Variants in COL4A3 observed in about 807,000 individuals in gnomAD.
The protein encoded by COL4A3 is collagen type IV alpha 3 chain.
A neutral mutation model predicts 217.4 loss-of-function variants in COL4A3; 135 were observed. That is an observed-to-expected ratio of 0.62 (90% CI 0.54 to 0.72). The LOEUF (loss-of-function observed/expected upper bound fraction) is 0.72, where lower values mean the gene tolerates loss of function less well. Ranked by LOEUF, COL4A3 falls within the 30% of genes least tolerant of loss-of-function variation. The pLI, the probability that COL4A3 is intolerant of heterozygous loss-of-function variation, is 0.00. For missense variants in COL4A3, 1,868 were observed against 2,119.9 expected (o/e 0.88, Z 2.33); for synonymous variants, 690 against 736.3 (o/e 0.94, Z 1.02).
intron 1 of COL4A3, among the ~76,000 whole-genome samples, chr2:227,206,713 T>C (rs2067114608): frequency 6.6e-6 from 1 of 152,208 alleles, no homozygotes. Context: ...ACAGGTGATT[T>C]GTATGCACGT....
chr2:227,308,255 C>G (rs1306879482), intron 48 of COL4A3, among the ~76,000 whole-genome samples: 2 of 152,264 alleles, frequency 1.3e-5, no homozygotes, highest in East Asian at 3.9e-4. Context: ...TTTCATCACC[C>G]AGGCTGGAGT....
chr2:227,283,400 G>C (rs1426023130), intron 32 of COL4A3, among the ~76,000 whole-genome samples: 1 of 152,146 alleles, frequency 6.6e-6, no homozygotes, highest in Non-Finnish European at 1.5e-5. Context: ...TCATAGTAGA[G>C]GATCAATAAT....
At chr2:227,235,646 CT>C (rs1195691286) in intron 1 of COL4A3, among the ~76,000 whole-genome samples, 1 of 151,982 alleles carries the variant, frequency 6.6e-6, no homozygotes, top group Non-Finnish European at 1.5e-5. Flanking sequence ...CCTTTGTGTA[CT>C]TATAGCTTAG....
intron 1 of COL4A3, among the ~76,000 whole-genome samples, chr2:227,215,741 G>A (rs555585718): frequency 5.9e-5 from 9 of 152,258 alleles, no homozygotes; most frequent in African/African-American, 2.2e-4. Flanking sequence ...TTACAGGGGT[G>A]AGCCACTGCA....
intron 1 of COL4A3, among the ~76,000 whole-genome samples, chr2:227,216,338 T>G (rs1339307806): frequency 6.6e-6 from 1 of 152,238 alleles, no homozygotes; most frequent in African/African-American, 2.4e-5. Context: ...CACCCTTTCC[T>G]GTCAATTTCA....
chr2:227,176,481 G>A (rs927831370), intron 1 of COL4A3, among the ~76,000 whole-genome samples: 3 of 152,138 alleles, frequency 2.0e-5, no homozygotes, highest in Non-Finnish European at 4.4e-5. Context: ...TTGAAACACA[G>A]CCATATAAAA....
intron 51 of COL4A3, among the ~76,000 whole-genome samples, chr2:227,311,530 C>T (rs2073741035): frequency 6.6e-6 from 1 of 152,056 alleles, no homozygotes; most frequent in Non-Finnish European, 1.5e-5. Flanking sequence ...CAGGCGTATG[C>T]CACGACACCC....
intron 1 of COL4A3, among the ~76,000 whole-genome samples, chr2:227,217,495 T>C (rs1323417864): frequency 6.6e-6 from 1 of 152,230 alleles, no homozygotes; most frequent in Admixed American, 6.5e-5. Context: ...AGTCCTGTTT[T>C]ATTTGACTGT....
In COL4A3 at chr2:227,307,719, G is replaced by A; in HGVS notation, c.4262G>A (p.Gly1421Glu). ...KGSKGEPGPA[G>E]SDGLPGLKGK... ...AATGTGTTTTTTGAAGGACCAGCTG[G>A]ATCAGATGGATTGCCAGGTTTGAAA... The change falls in exon 48 of 52, where the codon GGA becomes GAA. Residue 1421 changes from glycine to glutamate, a missense_variant. By Grantham distance (98) the Gly-to-Glu change is moderately conservative. Around this residue, in one of 2 missense-constraint regions of COL4A3, gnomAD observed 1,503 missense variants for 1,786.1 expected, o/e 0.84. Coordinates refer to ENST00000396578, the MANE Select transcript of COL4A3 (RefSeq NM_000091.5). The A allele has an allele frequency of 6.2e-7, 1 of 1,613,956 alleles. No homozygotes were observed. Among genetic ancestry groups the A allele is most frequent in the Non-Finnish European group, 8.5e-7 (1 of 1,179,920 alleles).
At chr2:227,252,984 A>C (rs1286128081) in intron 11 of COL4A3, among the ~76,000 whole-genome samples, 1 of 152,224 alleles carries the variant, frequency 6.6e-6, no homozygotes, top group Non-Finnish European at 1.5e-5. Context: ...GTAGCCGGCC[A>C]GTGGGATTAA....
At position 227,253,119 on chromosome 2, in the gene COL4A3, C is replaced by A. The variant is rs2069884676; in HGVS notation, c.646-177C>A. Among the ~76,000 whole-genome samples the A allele has an allele frequency of 6.6e-6, 1 of 152,066 alleles. No homozygotes were observed. Among genetic ancestry groups the A allele is most frequent in the South Asian group, 2.1e-4 (1 of 4,818 alleles). ...TTAAGCTTTCTGCACCTTAAGAGCTCCTCCTTTAAAAGAAACATATCAATG... is the reference window on the plus strand; with the variant it reads ...TTAAGCTTTCTGCACCTTAAGAGCTACTCCTTTAAAAGAAACATATCAATG... On this transcript the variant is annotated intron_variant, in intron 11 of 51. Coordinates refer to ENST00000396578, the MANE Select transcript of COL4A3 (RefSeq NM_000091.5). This position sits in a 1 kb window ranked among gnomAD's most constrained non-coding sequence, Gnocchi z 4.4.
chr2:227,192,493 G>T (rs2066282739), intron 1 of COL4A3, among the ~76,000 whole-genome samples: 1 of 151,936 alleles, frequency 6.6e-6, no homozygotes, highest in Non-Finnish European at 1.5e-5. Flanking sequence ...ATCAAATGAT[G>T]CTGTATACAT....
intron 1 of COL4A3, among the ~76,000 whole-genome samples, chr2:227,233,949 TCAAA>T (rs2068549076): frequency 6.6e-6 from 1 of 152,186 alleles, no homozygotes; most frequent in South Asian, 2.1e-4. Flanking sequence ...TTGCTAAAAA[TCAAA>T]CAGTTTTTCA....
chr2:227,294,413 CA>C (rs2072930248), intron 38 of COL4A3, 76 bp from the exon 39 acceptor site: 1 of 977,060 alleles, frequency 1.0e-6, no homozygotes, highest in Admixed American at 1.7e-5. Context: ...ACTATAAAAA[CA>C]GACCGTTTCA....
At chr2:227,286,836 T>G (rs1417269759) in intron 34 of COL4A3, among the ~76,000 whole-genome samples, 2 of 152,222 alleles carry the variant, frequency 1.3e-5, no homozygotes, top group Admixed American at 1.3e-4. Flanking sequence ...ACATACAAGT[T>G]TATTCACCAC....
At chr2:227,223,907 T>C (rs1304169057) in intron 1 of COL4A3, among the ~76,000 whole-genome samples, 2 of 152,216 alleles carry the variant, frequency 1.3e-5, no homozygotes, top group Non-Finnish European at 2.9e-5. Flanking sequence ...TGCATAGCAG[T>C]GAGCAACTAA....
Position 227,298,811 on chromosome 2 carries a change from T to C in COL4A3, c.3881T>C (p.Leu1294Pro). 1 of 1,613,512 alleles carries C rather than the reference T, an allele frequency of 6.2e-7. No individual in the cohort carries two copies. Among genetic ancestry groups the C allele is most frequent in the Non-Finnish European group, 8.5e-7 (1 of 1,179,834 alleles). The stretch of plus-strand genomic sequence containing the variant: ...GGAGACATGGGACCACCAGGTCGTC[T>C]GGTGAGTATGGATAATTATTTTGAC... Reference protein sequence around the residue: ...TAGDMGPPGRLGAPGTPGLPG... With the variant: ...TAGDMGPPGRPGAPGTPGLPG... Residue 1294 changes from leucine (L) to proline (P), a missense_variant and splice_region_variant, in exon 43 of 52, where the codon CTG becomes CCG. Transcript: ENST00000396578.
At chr2:227,220,634 T>C (rs2067741750) in intron 1 of COL4A3, among the ~76,000 whole-genome samples, 1 of 152,062 alleles carries the variant, frequency 6.6e-6, no homozygotes. Context: ...TAATTTATTT[T>C]ATTTTATTTT....
In COL4A3 at chr2:227,244,979, G is replaced by A; in HGVS notation, c.308G>A (p.Gly103Asp). Reference sequence around the variant, plus strand: ...ATAAGTGGATTGCCAGGATTTTCTGGTTCTCCTGGACTTCCAGTAAGTAAT... The same window carrying A: ...ATAAGTGGATTGCCAGGATTTTCTGATTCTCCTGGACTTCCAGTAAGTAAT... The part of the protein sequence containing the change: ...RGISGLPGFS[G>D]SPGLPGTPGN... Residue 103 changes from glycine (G) to aspartate (D), a missense_variant, in exon 5 of 52, where the codon GGT becomes GAT. By Grantham distance (94) the Gly-to-Asp change is moderately conservative. Coordinates refer to ENST00000396578, the MANE Select transcript of COL4A3 (RefSeq NM_000091.5). 1 of 1,612,942 alleles carries A rather than the reference G, an allele frequency of 6.2e-7. No homozygotes were observed. Among genetic ancestry groups the A allele is most frequent in the Non-Finnish European group, 8.5e-7 (1 of 1,179,486 alleles).
Sources: gnomAD v4.1 joint callset for allele counts (sites outside exome capture counted in the v4.1 genomes callset) on GRCh38, gnomAD v4.1.1 for gene constraint, gnomAD v4.1.1 regional missense constraint, Gnocchi (gnomAD v3.1) non-coding constraint, MANE v1.5 for transcripts, NCBI Gene and HGNC (gene_info 2026-07-23, HGNC 2026-07-21) for gene names.